The following RTN4RL2 variants were observed in gnomAD, a reference collection of about 807,000 sequenced individuals.
RTN4RL2 encodes reticulon-4 receptor-like 2.
A neutral mutation model predicts 27.8 loss-of-function variants in RTN4RL2; 9 were observed. The ratio of observed to expected loss-of-function variants is 0.32; its 90% confidence interval spans 0.20 to 0.57. RTN4RL2 has a LOEUF of 0.57. Among genes scored for constraint, RTN4RL2 ranks in the 20% least tolerant of loss-of-function variants. The probability of loss-of-function intolerance (pLI) is 0.90; values close to 1 mark genes in which losing one functional copy is unlikely to be tolerated. For missense variants in RTN4RL2, 436 were observed against 596.8 expected, an observed-to-expected ratio of 0.73 and a Z score of 2.81; for synonymous variants, 285 against 297.9, an observed-to-expected ratio of 0.96 and a Z score of 0.45.
intron 1 of RTN4RL2, among the ~76,000 whole-genome samples, chr11:57,466,509 TGAG>T (rs1258998981): frequency 6.6e-6 from 1 of 152,182 alleles, no homozygotes; most frequent in Admixed American, 6.5e-5. Context: ...TAACTGCGAA[TGAG>T]GAGAGCCTGG....
At chr11:57,473,833 A>C (rs1330309580) in intron 2 of RTN4RL2, among the ~76,000 whole-genome samples, 1 of 152,028 alleles carries the variant, frequency 6.6e-6, no homozygotes, top group Non-Finnish European at 1.5e-5. Context: ...GGTTAGAATC[A>C]AGAAATTCTG....
At chr11:57,464,458 T>A (rs1943507442) in intron 1 of RTN4RL2, among the ~76,000 whole-genome samples, 1 of 152,120 alleles carries the variant, frequency 6.6e-6, no homozygotes, top group African/African-American at 2.4e-5. Flanking sequence ...AGCTTGTGGA[T>A]AAGGGGTAGG....
chr11:57,464,129 T>C (rs1181808547), intron 1 of RTN4RL2, among the ~76,000 whole-genome samples: 1 of 152,110 alleles, frequency 6.6e-6, no homozygotes, highest in Non-Finnish European at 1.5e-5. Context: ...TATCATGGGC[T>C]GGGGGAGGTG....
At chr11:57,468,926 C>T in intron 2 of RTN4RL2, 1 of 756,414 alleles carries the variant, frequency 1.3e-6, no homozygotes, top group Non-Finnish European at 2.3e-6. Flanking sequence ...AATCATCCCA[C>T]TCCATTTCCC....
At chr11:57,462,539 G>A (rs1413797311) in intron 1 of RTN4RL2, among the ~76,000 whole-genome samples, 1 of 152,212 alleles carries the variant, frequency 6.6e-6, no homozygotes, top group East Asian at 1.9e-4. Context: ...TGCCCTGTGG[G>A]TGGGTAGCCT....
At chr11:57,461,231 G>A (rs1473163398) in intron 1 of RTN4RL2, among the ~76,000 whole-genome samples, 1 of 152,166 alleles carries the variant, frequency 6.6e-6, no homozygotes, top group Non-Finnish European at 1.5e-5. Context: ...CTGGGGAAGC[G>A]CCGACTCAGC....
chr11:57,476,080 TC>T lies in RTN4RL2; in HGVS notation c.514-77del. Reference sequence around the variant, plus strand: ...TTCTGCCACGGTGCACCCCCTTCCCTCCCCCGGCCAAGGCCCCAGCGGGGTC... The same window carrying T: ...TTCTGCCACGGTGCACCCCCTTCCCTCCCCGGCCAAGGCCCCAGCGGGGTC... On this transcript the variant is annotated intron_variant, in intron 2 of 2. Transcript: ENST00000335099. This position sits in a 1 kb window ranked among gnomAD's most constrained non-coding sequence, Gnocchi z 8.2. 1 of 1,371,744 alleles carries T rather than the reference TC, an allele frequency of 7.3e-7. No homozygotes were observed. The highest frequency in any genetic ancestry group is 1.4e-5 in the South Asian group (1 of 72,528). The allele number at this position is 1,371,744 out of a possible 1,614,324, so 85.0% of individuals were successfully genotyped here. A position where few individuals can be genotyped will look rare whatever the true frequency, so the allele number is the denominator to read the frequency against.
Position 57,467,637 on chromosome 11 carries a change from G to C in RTN4RL2, c.60G>C (p.Met20Ile). Residue 20 changes from methionine (M) to isoleucine (I), a missense_variant, in exon 2 of 3, where the codon ATG becomes ATC. Physicochemically the swap from Met to Ile is conservative, Grantham distance 10 (BLOSUM62 1). Coordinates refer to ENST00000335099, the MANE Select transcript of RTN4RL2 (RefSeq NM_178570.3). This position sits in a 1 kb window ranked among gnomAD's most constrained non-coding sequence, Gnocchi z 5.5. The part of the protein sequence containing the change: ...QAPASACLLL[M>I]LLALPLAAPS... ...CCGCCTCGGCCTGCCTCCTGCTGAT[G>C]CTCCTGGCCCTGCCCCTGGCGGCCC... 1 of 1,609,076 alleles carries C rather than the reference G, an allele frequency of 6.2e-7. No individual in the cohort carries two copies. The highest frequency in any genetic ancestry group is 8.5e-7 in the Non-Finnish European group (1 of 1,177,796).
In RTN4RL2 at chr11:57,467,892, G is replaced by C; in HGVS notation, c.315G>C (p.Leu105Phe). 6.2e-7 allele frequency: 1 copy of C among 1,614,066 alleles called. No homozygotes were observed. Among genetic ancestry groups the C allele is most frequent in the Non-Finnish European group, 8.5e-7 (1 of 1,179,966 alleles). The change falls in exon 2 of 3, where the codon TTG becomes TTC. Residue 105 changes from leucine (L) to phenylalanine (F), a missense_variant. By Grantham distance (22) the Leu-to-Phe change is conservative (BLOSUM62 0). This residue lies in a region of RTN4RL2 where 365 missense variants were observed against 530.5 expected (regional missense o/e 0.69). Transcript: ENST00000335099. The surrounding 1 kb of genome is among the most constrained non-coding windows in gnomAD (Gnocchi z 5.5). ...TCTACCCGGGCACTTTCCGCCACTT[G>C]CAAGCCCTGGAGGAGCTGGACCTCG... is the stretch of plus-strand genomic sequence containing the variant. ...STIYPGTFRH[L>F]QALEELDLGD...
intron 2 of RTN4RL2, among the ~76,000 whole-genome samples, chr11:57,473,651 C>T (rs1429460838): frequency 6.6e-6 from 1 of 151,476 alleles, no homozygotes; most frequent in Admixed American, 6.6e-5. Flanking sequence ...GCATAGAGAA[C>T]GGTTTTAACA....
Position 57,476,516 on chromosome 11 carries a change from AC to A in RTN4RL2, c.875del (p.Pro292ArgfsTer232), listed in dbSNP as rs750876328. On this transcript the variant is annotated frameshift_variant, in exon 3 of 3. Coordinates refer to ENST00000335099, the MANE Select transcript of RTN4RL2 (RefSeq NM_178570.3). LOFTEE classifies it high-confidence loss of function. The surrounding 1 kb of genome is among the most constrained non-coding windows in gnomAD (Gnocchi z 8.2). ...GTCCAGCTCCGACGTGACCTGCGCC[AC>A]CCCCCCGGAGCGCCAGGGCCGAGAC... ...RVSSSDVTCA[T>X]PPERQGRDLR... 5.6e-5 allele frequency: 82 copies of A among 1,456,608 alleles called. No homozygotes were observed. Among genetic ancestry groups the A allele is most frequent in the Admixed American group, 3.5e-4 (13 of 37,112 alleles). 90.2% of individuals were successfully genotyped at this position (1,456,608 alleles called of 1,614,324 possible).
rs761839269 is a variant in RTN4RL2 at position 57,468,079 on chromosome 11, C to T, written c.502C>T (p.Leu168Phe). The T allele has an allele frequency of 1.9e-6, 3 of 1,594,120 alleles. No individual in the cohort carries two copies. Among genetic ancestry groups the T allele is most frequent in the Non-Finnish European group, 2.6e-6 (3 of 1,176,434 alleles). ...CCTCTACCTCCAGGAGAACAGCCTG[C>T]TCCACCTACAGGTGAGCCTGCCCTG... is the stretch of plus-strand genomic sequence containing the variant. ...QYLYLQENSLLHLQDDLFADL... is the reference protein window; with the variant it reads ...QYLYLQENSLFHLQDDLFADL... The change falls in exon 2 of 3, where the codon CTC becomes TTC. Residue 168 changes from leucine to phenylalanine, a missense_variant. Transcript: ENST00000335099.
chr11:57,461,765 G>C (rs1329453091), intron 1 of RTN4RL2, among the ~76,000 whole-genome samples: 2 of 152,084 alleles, frequency 1.3e-5, no homozygotes, highest in Non-Finnish European at 2.9e-5. Flanking sequence ...TCAGAAACCA[G>C]AGAAGGATGG....
At chr11:57,462,302 C>T (rs1943490875) in intron 1 of RTN4RL2, among the ~76,000 whole-genome samples, 1 of 152,108 alleles carries the variant, frequency 6.6e-6, no homozygotes, top group Admixed American at 6.5e-5. Flanking sequence ...CAGGCCCCTG[C>T]GTCACTGGCA....
chr11:57,476,782 C>A lies in RTN4RL2; in HGVS notation c.1134C>A (p.Asp378Glu). The A allele has an allele frequency of 6.7e-7, 1 of 1,495,192 alleles. No individual in the cohort carries two copies. The highest frequency in any genetic ancestry group is 8.9e-7 in the Non-Finnish European group (1 of 1,129,392). 92.6% of individuals were successfully genotyped at this position (1,495,192 alleles called of 1,614,324 possible). ...ACTGGGGGGGCTACGGGGGTGAGGA[C>A]CAGCGAGGGGAGCAGATGTGCCCCG... Reference protein sequence around the residue: ...DDYWGGYGGEDQRGEQMCPGA... With the variant: ...DDYWGGYGGEEQRGEQMCPGA... Residue 378 changes from aspartate to glutamate, a missense_variant, in exon 3 of 3, where the codon GAC becomes GAA. By Grantham distance (45) the Asp-to-Glu change is conservative (BLOSUM62 2). Coordinates refer to ENST00000335099, the MANE Select transcript of RTN4RL2 (RefSeq NM_178570.3). This position sits in a 1 kb window ranked among gnomAD's most constrained non-coding sequence, Gnocchi z 8.2.
At chr11:57,474,546 T>TGAGA (rs146195025) in intron 2 of RTN4RL2, among the ~76,000 whole-genome samples, 2,227 of 152,284 alleles carry the variant, frequency 0.015, 56 homozygotes, top group African/African-American at 0.05. Flanking sequence ...GCTCCTGTTC[T>TGAGA]GAGACCCAGA....
intron 1 of RTN4RL2, among the ~76,000 whole-genome samples, chr11:57,463,299 G>A (rs974260368): frequency 1.3e-5 from 2 of 152,206 alleles, no homozygotes; most frequent in Non-Finnish European, 2.9e-5. Context: ...CAAAATAGGT[G>A]CTTCTTGGTT....
chr11:57,470,515 G>A (rs987259722), intron 2 of RTN4RL2, among the ~76,000 whole-genome samples: 1 of 152,144 alleles, frequency 6.6e-6, no homozygotes, highest in Non-Finnish European at 1.5e-5. Context: ...CCAAAGTGCT[G>A]GGATTACAGG....
At chr11:57,469,470 C>T (rs1243647509) in intron 2 of RTN4RL2, among the ~76,000 whole-genome samples, 1 of 151,924 alleles carries the variant, frequency 6.6e-6, no homozygotes, top group East Asian at 1.9e-4. Context: ...TTTACCTCCT[C>T]AGACCTCAGT....
Sources: gnomAD v4.1 joint callset for allele counts (sites outside exome capture counted in the v4.1 genomes callset) on GRCh38, gnomAD v4.1.1 for gene constraint, gnomAD v4.1.1 regional missense constraint, Gnocchi (gnomAD v3.1) non-coding constraint, MANE v1.5 for transcripts, NCBI Gene and HGNC (gene_info 2026-07-23, HGNC 2026-07-21) for gene names.